R3HDM1: variants seen among roughly 807,000 people sequenced by gnomAD.
The protein encoded by R3HDM1 is R3H domain-containing protein 1.
In R3HDM1, 46 loss-of-function variants were observed where a neutral mutation model predicts 141.1. The ratio of observed to expected loss-of-function variants is 0.33; its 90% CI spans 0.26 to 0.42. R3HDM1 has a LOEUF of 0.42. Among genes scored for constraint, R3HDM1 ranks in the 10% least tolerant of loss-of-function variants. The pLI, the probability that R3HDM1 is intolerant of heterozygous loss-of-function variation, is 1.00. For missense variants in R3HDM1, 1,184 were observed against 1,368.3 expected (o/e 0.87, Z 2.12); for synonymous variants, 435 against 472.9 (o/e 0.92, Z 1.04).
chr2:135,570,072 A>G (rs1172739201), intron 1 of R3HDM1, among the ~76,000 whole-genome samples: 1 of 152,196 alleles, frequency 6.6e-6, no homozygotes, highest in African/African-American at 2.4e-5. Flanking sequence ...TGTTGTTTTC[A>G]TTCAAGAATT....
At chr2:135,684,736 A>G (rs1575004597) in intron 21 of R3HDM1, among the ~76,000 whole-genome samples, 1 of 150,002 alleles carries the variant, frequency 6.7e-6, no homozygotes, top group Admixed American at 6.7e-5. Flanking sequence ...AGTGAAATAC[A>G]CATTCTCTTG....
intron 1 of R3HDM1, among the ~76,000 whole-genome samples, chr2:135,593,438 T>C (rs1709811103): frequency 6.6e-6 from 1 of 152,212 alleles, no homozygotes; most frequent in African/African-American, 2.4e-5. Context: ...TTAATGGCCC[T>C]GACTTTCTTG....
chr2:135,700,459 CAT>C (rs2074047092), intron 21 of R3HDM1, among the ~76,000 whole-genome samples: 1 of 152,272 alleles, frequency 6.6e-6, no homozygotes, highest in South Asian at 2.1e-4. Context: ...GAATAGAGCA[CAT>C]GTCTATTAAG....
chr2:135,553,396 G>T (rs1046603707), intron 1 of R3HDM1, among the ~76,000 whole-genome samples: 11 of 152,090 alleles, frequency 7.2e-5, no homozygotes, highest in African/African-American at 2.7e-4. Flanking sequence ...GCAGTGATTT[G>T]TACAAAATTT....
intron 1 of R3HDM1, chr2:135,584,349 C>T (rs111838138): frequency 1.1e-6 from 1 of 907,498 alleles, no homozygotes; most frequent in African/African-American, 1.8e-5. Flanking sequence ...TAAATATTAA[C>T]TCAAATTTCT....
chr2:135,651,909 A>ACCTCCT lies in R3HDM1; in HGVS notation c.1914_1919dup (p.Pro639_Pro640dup). The ACCTCCT allele has an allele frequency of 6.4e-7, 1 of 1,564,092 alleles. No individual in the cohort carries two copies. The highest frequency in any genetic ancestry group is 8.7e-7 in the Non-Finnish European group (1 of 1,145,036). On this transcript the variant is annotated inframe_insertion, in exon 18 of 27. Transcript: ENST00000683871. Reference sequence around the variant, plus strand: ...ATCCTCCTCCACCGCCACCACCACCACCTCCTCCTCCTCCCCTACCACCTG... The same window carrying ACCTCCT: ...ATCCTCCTCCACCGCCACCACCACCACCTCCTCCTCCTCCTCCTCCCCTACCACCTG...
intron 18 of R3HDM1, among the ~76,000 whole-genome samples, chr2:135,654,676 T>C (rs1378758680): frequency 2.6e-5 from 4 of 152,112 alleles, no homozygotes; most frequent in Admixed American, 2.6e-4. Context: ...CTCAAACTCC[T>C]GACCGCAAGT....
intron 21 of R3HDM1, among the ~76,000 whole-genome samples, chr2:135,681,372 G>T (rs950979944): frequency 6.6e-6 from 1 of 152,132 alleles, no homozygotes; most frequent in African/African-American, 2.4e-5. Flanking sequence ...CTGAAAATAG[G>T]GCTTGTGGGT....
At chr2:135,718,054 G>A (rs974199629) in intron 24 of R3HDM1, among the ~76,000 whole-genome samples, 3 of 152,102 alleles carry the variant, frequency 2.0e-5, no homozygotes, top group Non-Finnish European at 2.9e-5. Flanking sequence ...ATGACTCTCC[G>A]GGTCACGACG....
At chr2:135,534,324 T>G (rs1695570180) in intron 1 of R3HDM1, among the ~76,000 whole-genome samples, 1 of 152,254 alleles carries the variant, frequency 6.6e-6, no homozygotes, top group African/African-American at 2.4e-5. Context: ...ACATTTGAAC[T>G]GTTTAATACA....
chr2:135,655,737 G>A (rs890864073), intron 18 of R3HDM1, among the ~76,000 whole-genome samples: 7 of 151,810 alleles, frequency 4.6e-5, no homozygotes, highest in Admixed American at 2.6e-4. Flanking sequence ...CTCGTGATCC[G>A]CCCGCCTCGG....
At chr2:135,580,262 GAATA>G (rs1217975636) in intron 1 of R3HDM1, among the ~76,000 whole-genome samples, 2 of 152,072 alleles carry the variant, frequency 1.3e-5, no homozygotes, top group Non-Finnish European at 2.9e-5. Flanking sequence ...ATAAATGAAT[GAATA>G]AATGATAAAG....
chr2:135,566,239 T>A (rs1473850017), intron 1 of R3HDM1, among the ~76,000 whole-genome samples: 1 of 152,186 alleles, frequency 6.6e-6, no homozygotes, highest in Non-Finnish European at 1.5e-5. Flanking sequence ...ACACACCCTT[T>A]TGAAGCAGAT....
chr2:135,665,972 G>T (rs1432782381), intron 19 of R3HDM1, among the ~76,000 whole-genome samples: 1 of 152,108 alleles, frequency 6.6e-6, no homozygotes, highest in African/African-American at 2.4e-5. Flanking sequence ...ATGATTCTGT[G>T]AAACTATACT....
At chr2:135,617,308 C>G (rs1489465391) in intron 5 of R3HDM1, among the ~76,000 whole-genome samples, 1 of 150,456 alleles carries the variant, frequency 6.6e-6, no homozygotes, top group Admixed American at 6.6e-5. Context: ...ACCTGGGCGA[C>G]AGAGCGAGAC....
chr2:135,573,402 T>C (rs534512507), intron 1 of R3HDM1, among the ~76,000 whole-genome samples: 12 of 152,290 alleles, frequency 7.9e-5, no homozygotes, highest in Admixed American at 6.5e-4. Flanking sequence ...CATACTCCCA[T>C]TCAGCTCCTG....
At chr2:135,703,103 T>G (rs1339987957) in intron 21 of R3HDM1, among the ~76,000 whole-genome samples, 1 of 152,196 alleles carries the variant, frequency 6.6e-6, no homozygotes, top group African/African-American at 2.4e-5. Flanking sequence ...TTATGATACC[T>G]ACCCTCCAAT....
At chr2:135,688,877 T>C (rs1448732528) in intron 21 of R3HDM1, among the ~76,000 whole-genome samples, 1 of 152,100 alleles carries the variant, frequency 6.6e-6, no homozygotes, top group Admixed American at 6.6e-5. Flanking sequence ...CAGAGGTTGC[T>C]GTGAGCCGAG....
At chr2:135,643,455 CAG>C (rs2064025422) in intron 15 of R3HDM1, among the ~76,000 whole-genome samples, 1 of 151,390 alleles carries the variant, frequency 6.6e-6, no homozygotes, top group Admixed American at 6.6e-5. Flanking sequence ...TATGGAAGAA[CAG>C]ATGTTTTTAA....
Sources: allele counts gnomAD v4.1 joint callset (sites outside exome capture counted in the v4.1 genomes callset), GRCh38; gene constraint gnomAD v4.1.1; transcripts MANE v1.5; gene names NCBI Gene and HGNC (gene_info 2026-07-23, HGNC 2026-07-21).